Variants in ADGRL2 observed in about 807,000 individuals in gnomAD.
The protein encoded by ADGRL2 is adhesion G protein-coupled receptor L2.
ADGRL2 carries 44 observed loss-of-function variants against 157.4 expected under a neutral mutation model. That is an observed-to-expected ratio of 0.28 (90% CI 0.22 to 0.36). The LOEUF (loss-of-function observed/expected upper bound fraction) is 0.36. Ranked by LOEUF, ADGRL2 falls within the 10% of genes least tolerant of loss-of-function variation. ADGRL2 has a pLI of 1.00. For synonymous variants in ADGRL2, 585 were observed against 624.7 expected, an observed-to-expected ratio of 0.94 and a Z score of 0.95; for missense variants, 1,510 against 1,768.9, an observed-to-expected ratio of 0.85 and a Z score of 2.63.
intron 1 of ADGRL2, among the ~76,000 whole-genome samples, chr1:81,816,011 A>G (rs2090367105): frequency 6.6e-6 from 1 of 151,792 alleles, no homozygotes; most frequent in Non-Finnish European, 1.5e-5. Context: ...GGGAGTAAGA[A>G]TGAGCTCTTA....
intron 2 of ADGRL2, among the ~76,000 whole-genome samples, chr1:81,472,553 C>A (rs147228448): frequency 5.9e-4 from 90 of 152,008 alleles, no homozygotes; most frequent in African/African-American, 1.8e-3. Context: ...ATCTCTTGAA[C>A]CAGGGAGGTG....
intron 1 of ADGRL2, among the ~76,000 whole-genome samples, chr1:81,309,445 C>T (rs1010217319): frequency 6.6e-6 from 1 of 152,064 alleles, no homozygotes; most frequent in African/African-American, 2.4e-5. Flanking sequence ...GGATGTGAAC[C>T]CATTTATTCT....
intron 13 of ADGRL2, among the ~76,000 whole-genome samples, chr1:81,967,513 A>G (rs541592446): frequency 1.1e-4 from 17 of 152,164 alleles, no homozygotes; most frequent in East Asian, 5.8e-4. Context: ...CGCCCGCCTC[A>G]GCCTCCCAAA....
intron 1 of ADGRL2, among the ~76,000 whole-genome samples, chr1:81,743,998 T>C (rs1474701777): frequency 6.6e-6 from 1 of 152,066 alleles, no homozygotes; most frequent in African/African-American, 2.4e-5. Context: ...ATCAAATGTA[T>C]TTACTGTGGG....
chr1:81,706,082 C>T (rs1304978154), intron 1 of ADGRL2, among the ~76,000 whole-genome samples: 4 of 151,866 alleles, frequency 2.6e-5, no homozygotes, highest in African/African-American at 9.7e-5. Context: ...GCCTGTAGTC[C>T]CAGCTACTTG....
intron 1 of ADGRL2, among the ~76,000 whole-genome samples, chr1:81,358,041 T>C (rs547734604): frequency 2.6e-5 from 4 of 152,352 alleles, no homozygotes; most frequent in Admixed American, 6.5e-5. Flanking sequence ...TAAGTCATTA[T>C]ACACATTAAA....
chr1:81,782,654 T>C (rs1036569685), intron 2 of ADGRL2, among the ~76,000 whole-genome samples: 1 of 152,156 alleles, frequency 6.6e-6, no homozygotes, highest in Admixed American at 6.5e-5. Flanking sequence ...ACCACTTGAG[T>C]CTTTATCTCC....
rs534033472 is a variant in ADGRL2 at position 81,679,251 on chromosome 1, A to C, written c.-142-82560A>C. Among the ~76,000 whole-genome samples the C allele has an allele frequency of 3.9e-5, 6 of 152,294 alleles. No individual in the cohort carries two copies. In the East Asian group the frequency reaches 7.7e-4, roughly 20 times the overall value. ...CATAAGGGGAATAGGGTAGGAGGTC[A>C]GGCCAATTTCCAGAATCTTAAGAGT... On this transcript the variant is annotated intron_variant, in intron 3 of 24. Coordinates refer to the ADGRL2 transcript ENST00000370721.
intron 2 of ADGRL2, among the ~76,000 whole-genome samples, chr1:81,539,248 T>C (rs1216687111): frequency 6.6e-6 from 1 of 152,040 alleles, no homozygotes; most frequent in African/African-American, 2.4e-5. Flanking sequence ...CCACCTCTAG[T>C]CCTGTCCACT....
intron 1 of ADGRL2, among the ~76,000 whole-genome samples, chr1:81,322,871 T>C (rs933012224): frequency 6.6e-6 from 1 of 152,110 alleles, no homozygotes; most frequent in East Asian, 1.9e-4. Context: ...TTTTGTTTGT[T>C]TGTTGAGACA....
intron 2 of ADGRL2, among the ~76,000 whole-genome samples, chr1:81,889,930 G>A (rs1358807018): frequency 3.3e-5 from 5 of 152,200 alleles, no homozygotes; most frequent in Admixed American, 6.5e-5. Flanking sequence ...AAGACTCAGT[G>A]TACAAGGATT....
intron 1 of ADGRL2, among the ~76,000 whole-genome samples, chr1:81,406,244 T>A (rs1158179188): frequency 6.6e-6 from 1 of 152,164 alleles, no homozygotes; most frequent in East Asian, 1.9e-4. Flanking sequence ...GGCTTCACAA[T>A]AGAATTTTCA....
chr1:81,704,435 G>A (rs944272519), intron 1 of ADGRL2, among the ~76,000 whole-genome samples: 1 of 152,168 alleles, frequency 6.6e-6, no homozygotes, highest in Non-Finnish European at 1.5e-5. Flanking sequence ...GGTCTAACAG[G>A]GGCGCTGAGC....
At chr1:81,802,851 G>GT (rs200855693) in intron 1 of ADGRL2, among the ~76,000 whole-genome samples, 1,803 of 152,290 alleles carry the variant, frequency 0.012, 10 homozygotes, top group Non-Finnish European at 0.018. Flanking sequence ...TGGTTAGGTG[G>GT]TGTGGGGAGG....
chr1:81,515,365 C>T (rs1286765206), intron 2 of ADGRL2, among the ~76,000 whole-genome samples: 1 of 150,348 alleles, frequency 6.7e-6, no homozygotes, highest in African/African-American at 2.5e-5. Context: ...TCTGCCTTTG[C>T]TTAGAACATG....
At chr1:81,599,405 A>C (rs2081295065) in intron 3 of ADGRL2, among the ~76,000 whole-genome samples, 1 of 152,136 alleles carries the variant, frequency 6.6e-6, no homozygotes, top group African/African-American at 2.4e-5. Context: ...GTGTACTCTA[A>C]GATATCAGTA....
At chr1:81,794,985 A>C (rs2087517733) in intron 2 of ADGRL2, among the ~76,000 whole-genome samples, 1 of 152,350 alleles carries the variant, frequency 6.6e-6, no homozygotes, top group African/African-American at 2.4e-5. Context: ...TATTGATTAG[A>C]GAATAAAATC....
chr1:81,401,263 G>A (rs1365684415), intron 1 of ADGRL2, among the ~76,000 whole-genome samples: 3 of 152,156 alleles, frequency 2.0e-5, no homozygotes, highest in African/African-American at 7.2e-5. Flanking sequence ...TGGGATGCCT[G>A]GTGCTGCTTC....
intron 1 of ADGRL2, among the ~76,000 whole-genome samples, chr1:81,333,781 T>C (rs74093311): frequency 7.2e-6 from 1 of 139,792 alleles, no homozygotes; most frequent in Non-Finnish European, 1.6e-5. Flanking sequence ...AAAAAAAAAA[T>C]TCCTTACTTC....
Sources: gnomAD v4.1 joint callset for allele counts (sites outside exome capture counted in the v4.1 genomes callset) on GRCh38, gnomAD v4.1.1 for gene constraint, MANE v1.5 for transcripts, NCBI Gene and HGNC (gene_info 2026-07-23, HGNC 2026-07-21) for gene names.